The following ETFBKMT variants were observed in gnomAD, a reference collection of about 807,000 sequenced individuals.
ETFBKMT encodes the protein electron transfer flavoprotein subunit beta lysine methyltransferase, also known as electron transfer flavoprotein beta subunit lysine methyltransferase.
Under a neutral mutation model 18.3 loss-of-function variants are expected in ETFBKMT, and 13 were observed. The ratio of observed to expected loss-of-function variants is 0.71; its 90% CI spans 0.46 to 1.13. The LOEUF (loss-of-function observed/expected upper bound fraction) is 1.13, where lower values mean the gene tolerates loss of function less well. ETFBKMT is among the 50% of genes most tolerant of loss of function. ETFBKMT has a pLI of 0.00. For missense variants in ETFBKMT, 293 were observed against 306.2 expected, an observed-to-expected ratio of 0.96 and a Z score of 0.32; for synonymous variants, 84 against 107.9, an observed-to-expected ratio of 0.78 and a Z score of 1.37.
At position 31,670,028 on chromosome 12, in the gene ETFBKMT, T is replaced by A. The variant is rs1190555568; in HGVS notation, c.*2038T>A. 1 of 152,294 alleles carries A rather than the reference T, an allele frequency of 6.6e-6. No individual in the cohort carries two copies. 9.4% of individuals were successfully genotyped at this position (152,294 alleles called of 1,614,324 possible). A position where few individuals can be genotyped will look rare whatever the true frequency, so the allele number is the denominator to read the frequency against. ...CACCATGCCCAGCTAATTTTTGTAT[T>A]TTTAGTAAAGACAGGGCTTCGCCAT... On this transcript the variant is annotated 3_prime_UTR_variant, in exon 4 of 4. Transcript: ENST00000357721.
At chr12:31,655,290 A>G (rs1292198727), upstream of ETFBKMT, among the ~76,000 whole-genome samples, 1 of 152,188 alleles carries the variant, frequency 6.6e-6, no homozygotes, top group Non-Finnish European at 1.5e-5. Context: ...TCAAAGCGCT[A>G]TACATTAGCC....
intron 1 of ETFBKMT, among the ~76,000 whole-genome samples, chr12:31,653,809 G>T (rs1211820459): frequency 6.6e-6 from 1 of 152,230 alleles, no homozygotes; most frequent in East Asian, 1.9e-4. Flanking sequence ...TTAGCTGGGT[G>T]TGGTGGCGGG....
In ETFBKMT at chr12:31,661,830, T is replaced by G; in HGVS notation, c.-113-11T>G. On this transcript the variant is annotated splice_polypyrimidine_tract_variant and intron_variant, in intron 1 of 3. Coordinates refer to ENST00000357721, the MANE Select transcript of ETFBKMT (RefSeq NM_001135863.2). ...CAGAATTCTCAGTATTACTTTTCTT[T>G]TTTTTTTCAGAGTCAGAGGTTCCGG... The G allele has an allele frequency of 4.8e-6, 4 of 836,460 alleles. No individual in the cohort carries two copies. Among genetic ancestry groups the G allele is most frequent in the Non-Finnish European group, 5.8e-6 (3 of 518,636 alleles). 51.8% of individuals were successfully genotyped at this position (836,460 alleles called of 1,614,324 possible).
chr12:31,667,799 C>A lies in ETFBKMT; in HGVS notation c.598C>A (p.His200Asn). ...FYDEDLADSLHQWLKKCFWTY... is the reference protein window; with the variant it reads ...FYDEDLADSLNQWLKKCFWTY... ...TGATGAAGACCTTGCAGATAGTCTT[C>A]ATCAGTGGCTGAAGAAGTGCTTCTG... The change falls in exon 4 of 4, where the codon CAT becomes AAT. Residue 200 changes from histidine to asparagine, a missense_variant. Coordinates refer to ENST00000357721, the MANE Select transcript of ETFBKMT (RefSeq NM_001135863.2). 6.2e-7 allele frequency: 1 copy of A among 1,614,220 alleles called. No individual in the cohort carries two copies. Among genetic ancestry groups the A allele is most frequent in the Non-Finnish European group, 8.5e-7 (1 of 1,180,042 alleles).
In ETFBKMT at chr12:31,650,393, T is replaced by C. The variant is rs572006307; in HGVS notation, c.-114+3138T>C. On this transcript the variant is annotated intron_variant, in intron 1 of 3. Transcript: ENST00000412352. Reference sequence around the variant, plus strand: ...TAAATAATCCACCCGTTGTTTAGCATATATCATCAAGAAATAACCATAAAA... The same window carrying C: ...TAAATAATCCACCCGTTGTTTAGCACATATCATCAAGAAATAACCATAAAA... 5.3e-5 allele frequency among the ~76,000 whole-genome samples: 8 copies of C among 152,300 alleles called. No individual in the cohort carries two copies. The South Asian group carries it at 1.5e-3, about 28-fold the overall frequency.
chr12:31,657,669 A>G (rs1358218607), upstream of ETFBKMT, among the ~76,000 whole-genome samples: 1 of 151,708 alleles, frequency 6.6e-6, no homozygotes, highest in Non-Finnish European at 1.5e-5. Flanking sequence ...GTGTGCGCCT[A>G]TAATCCCAGC....
chr12:31,658,776 G>A (rs1455114920), upstream of ETFBKMT, among the ~76,000 whole-genome samples: 1 of 152,186 alleles, frequency 6.6e-6, no homozygotes, highest in African/African-American at 2.4e-5. Context: ...TGTGGGTCCA[G>A]TTGAAAGGTG....
At chr12:31,662,361 G>A (rs1202499001) in intron 2 of ETFBKMT, 94 bp downstream of exon 2, 4 of 1,174,190 alleles carry the variant, frequency 3.4e-6, no homozygotes, top group African/African-American at 3.0e-5. Flanking sequence ...TGCTAGGCGT[G>A]GTGGCTCATG....
chr12:31,666,312 A>G (rs1404138389), intron 3 of ETFBKMT, 95 bp downstream of exon 3: 32 of 1,319,940 alleles, frequency 2.4e-5, no homozygotes, highest in Middle Eastern at 4.2e-4. Flanking sequence ...TTATCGTTAT[A>G]TGTATTTTGT....
chr12:31,667,479 G>T (rs868799869), intron 3 of ETFBKMT, among the ~76,000 whole-genome samples, 168 bp from the exon 4 acceptor site: 8 of 152,118 alleles, frequency 5.3e-5, no homozygotes, highest in African/African-American at 1.9e-4. Context: ...GGAAATTGTG[G>T]TATAGCTTAT....
At chr12:31,656,502 G>A (rs1196859702), upstream of ETFBKMT, among the ~76,000 whole-genome samples, 1 of 152,210 alleles carries the variant, frequency 6.6e-6, no homozygotes, top group Non-Finnish European at 1.5e-5. Context: ...GGTCTGGGGA[G>A]CTAGAGCAGG....
At chr12:31,658,943 TTTA>T, upstream of ETFBKMT, among the ~76,000 whole-genome samples, 1 of 151,862 alleles carries the variant, frequency 6.6e-6, no homozygotes, top group Non-Finnish European at 1.5e-5. Context: ...TTTTTTTTTT[TTTA>T]AATATACGGT....
chr12:31,662,128 A>G lies in ETFBKMT; in HGVS notation c.175A>G (p.Ser59Gly), dbSNP rs761432760. 2.5e-5 allele frequency: 40 copies of G among 1,614,128 alleles called. No individual in the cohort carries two copies. Among genetic ancestry groups the G allele is most frequent in the Non-Finnish European group, 3.3e-5 (39 of 1,180,044 alleles). Residue 59 changes from serine (S) to glycine (G), a missense_variant, in exon 2 of 4, where the codon AGC (serine) becomes GGC (glycine). Transcript: ENST00000357721. ...AFLEENTEVT[S>G]SGSLTPEIQL... ...CCTGGAGGAGAACACTGAAGTCACC[A>G]GCAGTGGTAGCCTCACCCCTGAAAT...
intron 2 of ETFBKMT, among the ~76,000 whole-genome samples, chr12:31,662,505 CTT>C (rs35366747): frequency 1.6e-4 from 21 of 128,808 alleles, no homozygotes; most frequent in East Asian, 6.7e-4. Flanking sequence ...TTCTTTCTTT[CTT>C]TTTTTTTTTT....
At chr12:31,658,954 G>T (rs1451803169), upstream of ETFBKMT, among the ~76,000 whole-genome samples, 1 of 143,614 alleles carries the variant, frequency 7.0e-6, no homozygotes, top group African/African-American at 2.5e-5. Flanking sequence ...TTAAATATAC[G>T]GTGTCTATTT....
chr12:31,667,482 T>C (rs1951213672), intron 3 of ETFBKMT, among the ~76,000 whole-genome samples, 165 bp from the exon 4 acceptor site: 1 of 152,252 alleles, frequency 6.6e-6, no homozygotes, highest in African/African-American at 2.4e-5. Flanking sequence ...AATTGTGGTA[T>C]AGCTTATATT....
At chr12:31,662,710 C>CT (rs1951142297) in intron 2 of ETFBKMT, among the ~76,000 whole-genome samples, 1 of 152,054 alleles carries the variant, frequency 6.6e-6, no homozygotes, top group Admixed American at 6.6e-5. Context: ...TCCCAAGTAA[C>CT]TGTCTCCCCA....
At chr12:31,648,615 T>G (rs533174370) in intron 1 of ETFBKMT, among the ~76,000 whole-genome samples, 18 of 148,092 alleles carry the variant, frequency 1.2e-4, no homozygotes, top group South Asian at 6.4e-4. Flanking sequence ...AGGCTGGAGT[T>G]CAGTGGCGCA....
chr12:31,647,161 T>C (rs929575833), exon 1 of ETFBKMT: 18 of 152,422 alleles, frequency 1.2e-4, no homozygotes, highest in African/African-American at 3.6e-4. Flanking sequence ...CAATTAATAT[T>C]CTTAATGGAA....
Sources: allele counts gnomAD v4.1 joint callset (sites outside exome capture counted in the v4.1 genomes callset), GRCh38; gene constraint gnomAD v4.1.1; transcripts MANE v1.5; gene names NCBI Gene and HGNC (gene_info 2026-07-23, HGNC 2026-07-21).